The following ENTREP2 variants were observed in gnomAD, a reference collection of about 807,000 sequenced individuals.
ENTREP2 encodes the protein endosomal transmembrane epsin interactor 2.
At chr15:29,567,767 G>C in the ENTREP2 span, among the ~76,000 whole-genome samples, 6 of 152,204 alleles carry the variant, frequency 3.9e-5, no homozygotes, top group Non-Finnish European at 8.8e-5. Flanking sequence ...GTCTGTCTTA[G>C]CTAATAATTT....
the ENTREP2 span, among the ~76,000 whole-genome samples, chr15:29,493,082 T>C: frequency 6.6e-6 from 1 of 151,568 alleles, no homozygotes; most frequent in Admixed American, 6.6e-5. Context: ...AGTGAACTTA[T>C]TAGTAATTCA....
At chr15:29,442,131 C>T in the ENTREP2 span, among the ~76,000 whole-genome samples, 2 of 152,172 alleles carry the variant, frequency 1.3e-5, no homozygotes, top group Admixed American at 6.5e-5. Context: ...CTAATGGAAG[C>T]GTTTGCACAC....
At chr15:29,285,048 C>T in the ENTREP2 span, among the ~76,000 whole-genome samples, 1 of 152,176 alleles carries the variant, frequency 6.6e-6, no homozygotes, top group Middle Eastern at 3.2e-3. Context: ...AGGGTTTCTC[C>T]TCCAGGTGGG....
the ENTREP2 span, among the ~76,000 whole-genome samples, chr15:29,542,064 A>G: frequency 2.6e-5 from 4 of 152,216 alleles, no homozygotes; most frequent in Admixed American, 6.5e-5. Context: ...ACTGGAGGGC[A>G]GTGGTGCGAT....
At chr15:29,169,680 A>C in the ENTREP2 span, among the ~76,000 whole-genome samples, 5 of 152,340 alleles carry the variant, frequency 3.3e-5, no homozygotes, top group Non-Finnish European at 7.3e-5. Context: ...AAATGAGAAA[A>C]ACTATATGAC....
chr15:29,637,804 G>A, the ENTREP2 span, among the ~76,000 whole-genome samples: 2 of 152,186 alleles, frequency 1.3e-5, no homozygotes, highest in South Asian at 4.1e-4. Flanking sequence ...AGAGGGAAGT[G>A]TGCAGAGCGG....
chr15:29,276,917 T>C, the ENTREP2 span, among the ~76,000 whole-genome samples: 70 of 152,102 alleles, frequency 4.6e-4, no homozygotes, highest in African/African-American at 1.6e-3. Flanking sequence ...GAGAGGTGAA[T>C]TGAAAACAAT....
chr15:29,169,379 G>A, the ENTREP2 span, among the ~76,000 whole-genome samples: 1 of 152,098 alleles, frequency 6.6e-6, no homozygotes, highest in Admixed American at 6.5e-5. Context: ...ATAGTATAGG[G>A]TGGCATCAAT....
At chr15:29,504,109 T>TC in the ENTREP2 span, among the ~76,000 whole-genome samples, 1 of 152,186 alleles carries the variant, frequency 6.6e-6, no homozygotes, top group Non-Finnish European at 1.5e-5. Flanking sequence ...TTAAACAATT[T>TC]GAAGAGCAGT....
chr15:29,216,129 CT>C, the ENTREP2 span, among the ~76,000 whole-genome samples: 1 of 152,166 alleles, frequency 6.6e-6, no homozygotes, highest in African/African-American at 2.4e-5. Context: ...AGATTTAGAG[CT>C]CCTTTTAGCA....
At chr15:29,117,737 C>A in the ENTREP2 span, 1 of 154,246 alleles carries the variant, frequency 6.5e-6, no homozygotes, top group South Asian at 2.0e-4. Flanking sequence ...TATTTAGATG[C>A]TATTATTACT....
chr15:29,523,364 C>A, the ENTREP2 span, among the ~76,000 whole-genome samples: 4 of 151,912 alleles, frequency 2.6e-5, no homozygotes, highest in Non-Finnish European at 5.9e-5. Flanking sequence ...ATAAAAAATA[C>A]AATACTTAGG....
At chr15:29,600,488 T>C in the ENTREP2 span, among the ~76,000 whole-genome samples, 1 of 139,206 alleles carries the variant, frequency 7.2e-6, no homozygotes, top group Non-Finnish European at 1.6e-5. Flanking sequence ...ATCATCGTCA[T>C]CTCATCATCA....
the ENTREP2 span, among the ~76,000 whole-genome samples, chr15:29,557,516 G>A: frequency 2.6e-5 from 4 of 152,108 alleles, no homozygotes; most frequent in African/African-American, 9.7e-5. Context: ...ATAATTCTGA[G>A]AGCCCATTCA....
the ENTREP2 span, among the ~76,000 whole-genome samples, chr15:29,553,076 G>T: frequency 6.6e-6 from 1 of 152,214 alleles, no homozygotes; most frequent in Non-Finnish European, 1.5e-5. Flanking sequence ...CGGGCAGATC[G>T]TTTGAGGCCA....
the ENTREP2 span, among the ~76,000 whole-genome samples, chr15:29,345,350 T>C: frequency 1.3e-5 from 2 of 151,906 alleles, no homozygotes; most frequent in African/African-American, 4.8e-5. Flanking sequence ...CTCAGCCGAG[T>C]GGGGCTAGCG....
chr15:29,334,606 A>T, the ENTREP2 span, among the ~76,000 whole-genome samples: 1 of 151,268 alleles, frequency 6.6e-6, no homozygotes, highest in Admixed American at 6.6e-5. Flanking sequence ...AAATACTTTA[A>T]GGTTAACACT....
At chr15:29,490,216 A>T in the ENTREP2 span, among the ~76,000 whole-genome samples, 1 of 151,950 alleles carries the variant, frequency 6.6e-6, no homozygotes, top group Non-Finnish European at 1.5e-5. Flanking sequence ...TGGTGTTCGG[A>T]CATGTTGGGA....
the ENTREP2 span, among the ~76,000 whole-genome samples, chr15:29,644,749 G>C: frequency 5.3e-5 from 8 of 150,068 alleles, no homozygotes; most frequent in African/African-American, 1.7e-4. Context: ...GTTGCAGTGA[G>C]CTGAGATCAT....
Sources: allele counts gnomAD v4.1 joint callset (sites outside exome capture counted in the v4.1 genomes callset), GRCh38; gene constraint gnomAD v4.1.1; transcripts MANE v1.5; gene names NCBI Gene and HGNC (gene_info 2026-07-23, HGNC 2026-07-21).